MID1: variants seen among roughly 807,000 people sequenced by gnomAD.
The protein encoded by MID1 is E3 ubiquitin-protein ligase Midline-1.
In MID1, 7 loss-of-function variants were observed where a neutral mutation model predicts 40.4. That is an observed-to-expected ratio of 0.17 (90% CI 0.10 to 0.33). The LOEUF is 0.33. MID1 is among the 10% of genes least tolerant of loss of function. The pLI, the probability that MID1 is intolerant of heterozygous loss-of-function variation, is 1.00. For synonymous variants in MID1, 229 were observed against 221.2 expected, an observed-to-expected ratio of 1.04 and a Z score of -0.31; for missense variants, 367 against 558.5, an observed-to-expected ratio of 0.66 and a Z score of 3.46.
intron 3 of MID1, among the ~76,000 whole-genome samples, chrX:10,499,857 T>A (rs1931454513): frequency 8.9e-6 from 1 of 112,290 alleles, no homozygotes; most frequent in Non-Finnish European, 1.9e-5. Flanking sequence ...GGCTGTGAAA[T>A]GAAATGTGGT....
intron 7 of MID1, among the ~76,000 whole-genome samples, chrX:10,463,353 T>C (rs1383117630): frequency 1.8e-5 from 2 of 111,960 alleles, no homozygotes; most frequent in Non-Finnish European, 3.8e-5. Flanking sequence ...GAAGGAACCA[T>C]GACCTAGAGA....
intron 1 of MID1, among the ~76,000 whole-genome samples, chrX:10,812,092 C>G (rs1185381528): frequency 9.0e-6 from 1 of 111,370 alleles, no homozygotes; most frequent in Non-Finnish European, 1.9e-5. Flanking sequence ...CGGAACAAAG[C>G]AATACAAAAT....
chrX:10,637,451 T>A (rs1307827808), intron 1 of MID1, among the ~76,000 whole-genome samples: 1 of 108,632 alleles, frequency 9.2e-6, no homozygotes, highest in African/African-American at 3.4e-5. Context: ...ATGGTGAAAC[T>A]CCATCTCTAC....
intron 1 of MID1, among the ~76,000 whole-genome samples, chrX:10,642,144 A>G (rs1044270379): frequency 1.1e-4 from 12 of 111,928 alleles, no homozygotes; most frequent in Non-Finnish European, 2.1e-4. Context: ...CCTATTCAAC[A>G]CAGTGTTGGA....
intron 1 of MID1, among the ~76,000 whole-genome samples, chrX:10,740,770 G>A (rs753158340): frequency 2.7e-5 from 3 of 110,899 alleles, no homozygotes; most frequent in Admixed American, 1.9e-4. Context: ...GTATCAAGGC[G>A]TGGATTCTAA....
chrX:10,533,391 A>AAAAG (rs748385663), intron 2 of MID1, among the ~76,000 whole-genome samples: 6,325 of 54,907 alleles, frequency 0.12, 531 homozygotes, highest in Non-Finnish European at 0.14. Context: ...AGAAAGAAAG[A>AAAAG]AAAGAAAGAA....
At chrX:10,635,081 A>G (rs991362740) in intron 1 of MID1, among the ~76,000 whole-genome samples, 4 of 112,580 alleles carry the variant, frequency 3.6e-5, no homozygotes, top group Non-Finnish European at 7.5e-5. Context: ...ATGGTTTAAT[A>G]AGGTATTACT....
intron 1 of MID1, among the ~76,000 whole-genome samples, chrX:10,809,491 C>A (rs906361022): frequency 9.0e-6 from 1 of 111,268 alleles, no homozygotes; most frequent in Non-Finnish European, 1.9e-5. Flanking sequence ...ATGTTTATTG[C>A]GGCACTATTC....
At chrX:10,503,105 G>A (rs987342130) in intron 3 of MID1, among the ~76,000 whole-genome samples, 1 of 111,336 alleles carries the variant, frequency 9.0e-6, no homozygotes, top group African/African-American at 3.3e-5. Context: ...TCTACACCCC[G>A]CTGTGTACCA....
chrX:10,809,162 A>C (rs1033467362), intron 1 of MID1, among the ~76,000 whole-genome samples: 9 of 112,144 alleles, frequency 8.0e-5, no homozygotes, highest in Admixed American at 5.7e-4. Flanking sequence ...ATGCAGCCAA[A>C]AGACACATGA....
intron 3 of MID1, chrX:10,501,426 A>G: frequency 8.7e-7 from 1 of 1,155,339 alleles, no homozygotes; most frequent in Non-Finnish European, 1.1e-6. Flanking sequence ...ATCTAGAGTC[A>G]GTTTTCTTTC....
intron 1 of MID1, among the ~76,000 whole-genome samples, chrX:10,617,293 G>A (rs1057021984): frequency 1.8e-5 from 2 of 111,934 alleles, no homozygotes; most frequent in African/African-American, 6.5e-5. Context: ...ATGTGGCAGA[G>A]AATAAATAGA....
intron 8 of MID1, among the ~76,000 whole-genome samples, chrX:10,456,364 T>C (rs1172953092): frequency 8.9e-6 from 1 of 112,329 alleles, no homozygotes; most frequent in African/African-American, 3.2e-5. Flanking sequence ...TGTGGTCTCT[T>C]TTGTGACTAT....
chrX:10,501,092 C>T (rs190494856), intron 3 of MID1, among the ~76,000 whole-genome samples: 73 of 111,782 alleles, frequency 6.5e-4, no homozygotes, highest in African/African-American at 2.2e-3. Context: ...AGGCGGGTCA[C>T]GAGGTCAGGA....
At chrX:10,628,650 G>A (rs1936020650) in intron 1 of MID1, among the ~76,000 whole-genome samples, 1 of 111,328 alleles carries the variant, frequency 9.0e-6, no homozygotes, top group Non-Finnish European at 1.9e-5. Flanking sequence ...CTTCAACTGG[G>A]CAAATTAATT....
At position 10,715,768 on chromosome X, in the gene MID1, C is replaced by G. The variant is rs957797320; in HGVS notation, c.-186-95349G>C. ...CCTCCTCAAGTGGGTCCTTGACCCCCAAGTAGCCTAACTGGGAGGCACCCC... is the reference window on the plus strand; with the variant it reads ...CCTCCTCAAGTGGGTCCTTGACCCCGAAGTAGCCTAACTGGGAGGCACCCC... On this transcript the variant is annotated intron_variant, in intron 1 of 10. Transcript: ENST00000380785. Among the ~76,000 whole-genome samples, 4 of 111,942 alleles carry G rather than the reference C, an allele frequency of 3.6e-5. No individual in the cohort carries two copies. The East Asian group carries it at 1.1e-3, about 32-fold the overall frequency.
chrX:10,469,071 CTTTTTA>C (rs1929544511), intron 7 of MID1, among the ~76,000 whole-genome samples: 1 of 110,688 alleles, frequency 9.0e-6, no homozygotes, highest in Non-Finnish European at 1.9e-5. Flanking sequence ...ATCATCCTGA[CTTTTTA>C]TTTTTATTTT....
chrX:10,489,859 C>G (rs1930837818), intron 4 of MID1, among the ~76,000 whole-genome samples: 1 of 110,198 alleles, frequency 9.1e-6, no homozygotes, highest in Non-Finnish European at 1.9e-5. Flanking sequence ...CCATGTCTGG[C>G]TTATTTTTTG....
intron 1 of MID1, among the ~76,000 whole-genome samples, chrX:10,659,457 G>A (rs2042897250): frequency 9.0e-6 from 1 of 111,576 alleles, no homozygotes; most frequent in Non-Finnish European, 1.9e-5. Context: ...ACATATCAAG[G>A]TAAACAATTT....
Sources: allele counts gnomAD v4.1 joint callset (sites outside exome capture counted in the v4.1 genomes callset), GRCh38; gene constraint gnomAD v4.1.1; transcripts MANE v1.5; gene names NCBI Gene and HGNC (gene_info 2026-07-23, HGNC 2026-07-21).